FAM9A: variants seen among roughly 807,000 people sequenced by gnomAD.
The protein encoded by FAM9A is protein FAM9A.
In FAM9A, 49 loss-of-function variants were observed where a neutral mutation model predicts 25.0. The ratio of observed to expected loss-of-function variants is 1.96; its 90% confidence interval spans 1.56 to 2.48. The LOEUF is 2.48. Among genes scored for constraint, FAM9A ranks in the 30% most tolerant of loss-of-function variants. The pLI, the probability that FAM9A is intolerant of heterozygous loss-of-function variation, is 0.00. For missense variants in FAM9A, 266 were observed against 249.3 expected (o/e 1.07, Z -0.45); for synonymous variants, 80 against 85.1 (o/e 0.94, Z 0.33).
At chrX:8,793,916 C>T (rs1359694103) in intron 7 of FAM9A, among the ~76,000 whole-genome samples, 160 bp from the exon 8 acceptor site, 3 of 112,307 alleles carry the variant, frequency 2.7e-5, no homozygotes, top group East Asian at 5.6e-4. Context: ...GTGTTCACCA[C>T]CCATATGCTA....
At chrX:8,792,605 T>A (rs1451739018) in intron 8 of FAM9A, among the ~76,000 whole-genome samples, 2 of 111,936 alleles carry the variant, frequency 1.8e-5, no homozygotes, top group African/African-American at 6.5e-5. Context: ...AGTCTCATGT[T>A]CATACCAATT....
In FAM9A at chrX:8,798,459, C is replaced by T. The variant is rs369620752; in HGVS notation, c.241G>A (p.Glu81Lys). Residue 81 changes from glutamate (E) to lysine (K), a missense_variant, in exon 4 of 10, where the codon GAA becomes AAA. Physicochemically the swap from Glu to Lys is moderately conservative, Grantham distance 56. Transcript: ENST00000381003. ...KHTGKDPVRD[E>K]CEERNPFTET... ...GTAAAAGGGTTTCTTTCCTCACATT[C>T]ATCACGGACTGGATCCTTTCCTGCA... is the stretch of plus-strand genomic sequence containing the variant. 5.8e-6 allele frequency: 7 copies of T among 1,211,567 alleles called. No homozygotes were observed. The highest frequency in any genetic ancestry group is 6.7e-6 in the Non-Finnish European group (6 of 895,515).
At position 8,798,185 on chromosome X, in the gene FAM9A, T is replaced by TA. The variant is rs747663083; in HGVS notation, c.342-5dup. ...TTCTAGCTTCATGGTATGAATCCTG[T>TA]AAAAAAAGTTACATCAAAATTTTAT... On this transcript the variant is annotated splice_polypyrimidine_tract_variant and splice_region_variant and intron_variant, in intron 4 of 9. Coordinates refer to ENST00000381003, the MANE Select transcript of FAM9A (RefSeq NM_174951.3). The TA allele has an allele frequency of 1.1e-5, 13 of 1,204,210 alleles. No individual in the cohort carries two copies. In the Admixed American group the frequency reaches 1.8e-4, roughly 16 times the overall value.
At position 8,801,363 on chromosome X, in the gene FAM9A, C is replaced by CCCCTCCCTT. The variant is rs1933609864; in HGVS notation, c.-92_-91insAAGGGAGGG. The CCCCTCCCTT allele has an allele frequency of 8.9e-6, 1 of 112,180 alleles. No individual in the cohort carries two copies. Among genetic ancestry groups the CCCCTCCCTT allele is most frequent in the Non-Finnish European group, 1.9e-5 (1 of 53,132 alleles). The allele number at this position is 112,180 out of a possible 1,213,427, so 9.2% of individuals were successfully genotyped here. A position where few individuals can be genotyped will look rare whatever the true frequency, so the allele number is the denominator to read the frequency against. ...ACAGAACCTGCAGGCACTGGCACCA[C>CCCCTCCCTT]GACGCTCTCTTAGAAAAATGGGTCC... On this transcript the variant is annotated 5_prime_UTR_variant, in exon 1 of 10. Transcript: ENST00000381003.
intron 8 of FAM9A, among the ~76,000 whole-genome samples, chrX:8,793,204 T>A (rs1933489176): frequency 8.9e-6 from 1 of 112,108 alleles, no homozygotes; most frequent in Non-Finnish European, 1.9e-5. Flanking sequence ...CCACCATAGA[T>A]GTGTCATTGA....
chrX:8,799,975 T>A, intron 2 of FAM9A, 106 bp downstream of exon 2: 1 of 861,817 alleles, frequency 1.2e-6, no homozygotes, highest in East Asian at 3.4e-5. Context: ...TGGGGCCTCT[T>A]AGCACGTGCA....
chrX:8,799,987 G>C, intron 2 of FAM9A, 94 bp downstream of exon 2: 3 of 951,275 alleles, frequency 3.2e-6, no homozygotes, highest in Non-Finnish European at 4.4e-6. Flanking sequence ...GCACGTGCAT[G>C]GTGGACTCCA....
intron 5 of FAM9A, 117 bp from the exon 6 acceptor site, chrX:8,796,499 A>G (rs750930198): frequency 2.0e-6 from 1 of 491,698 alleles, no homozygotes; most frequent in South Asian, 3.1e-5. Flanking sequence ...TTTACATTGT[A>G]AAATACAAAG....
At chrX:8,795,909 T>G (rs1281430088) in intron 6 of FAM9A, among the ~76,000 whole-genome samples, 2 of 112,037 alleles carry the variant, frequency 1.8e-5, no homozygotes, top group African/African-American at 6.5e-5. Context: ...AACATAAGGT[T>G]GTCCCTTTCC....
In FAM9A at chrX:8,795,245, C is replaced by T. The variant is rs768296987; in HGVS notation, c.664G>A (p.Glu222Lys). Residue 222 changes from glutamate (E) to lysine (K), a missense_variant, in exon 7 of 10, where the codon GAA becomes AAA. By Grantham distance (56) the Glu-to-Lys change is moderately conservative. Coordinates refer to ENST00000381003, the MANE Select transcript of FAM9A (RefSeq NM_174951.3). Reference protein sequence around the residue: ...AAAEVIVVEDEEEEEKEEEEE... With the variant: ...AAAEVIVVEDKEEEEKEEEEE... The stretch of plus-strand genomic sequence containing the variant: ...TCCTCCTCCTTCTCTTCCTCCTCTT[C>T]GTCTTCTACTACTATTACTTCTGCT... 57 of 1,153,204 alleles carry T rather than the reference C, an allele frequency of 4.9e-5. No individual in the cohort carries two copies. The South Asian group carries it at 7.1e-4, about 14-fold the overall frequency.
At chrX:8,797,564 A>G (rs1353031525) in intron 5 of FAM9A, among the ~76,000 whole-genome samples, 4 of 111,874 alleles carry the variant, frequency 3.6e-5, no homozygotes, top group African/African-American at 1.3e-4. Context: ...AATTAGGAAC[A>G]TAAAAACTCA....
rs1933465279 is a variant in FAM9A at position 8,791,121 on chromosome X, C to T, written c.*83G>A. The stretch of plus-strand genomic sequence containing the variant: ...CATAGGTTCAAGTTCTTTCTTCAGT[C>T]ATCAGAATAACAGAGGTTGAAGAGA... On this transcript the variant is annotated 3_prime_UTR_variant, in exon 10 of 10. Coordinates refer to ENST00000381003, the MANE Select transcript of FAM9A (RefSeq NM_174951.3). 5.3e-6 allele frequency: 2 copies of T among 380,513 alleles called. No homozygotes were observed. Among genetic ancestry groups the T allele is most frequent in the Admixed American group, 5.1e-5 (1 of 19,793 alleles). The allele number at this position is 380,513 out of a possible 1,213,427, so 31.4% of individuals were successfully genotyped here.
intron 8 of FAM9A, among the ~76,000 whole-genome samples, chrX:8,793,258 T>G (rs759253604): frequency 2.7e-5 from 3 of 112,402 alleles, no homozygotes; most frequent in East Asian, 5.6e-4. Context: ...AACCCATTTA[T>G]GCCTAGTGTT....
chrX:8,798,522 G>C (rs376479459), intron 3 of FAM9A, 43 bp from the exon 4 acceptor site: 16 of 1,190,872 alleles, frequency 1.3e-5, no homozygotes, highest in Middle Eastern at 4.7e-4. Flanking sequence ...AGAGGAAGAC[G>C]CTGTTGTGGA....
rs1569104246 is a variant in FAM9A at position 8,795,334 on chromosome X, T to G, written c.575A>C (p.Glu192Ala). ...TGCTGCTGCTGCGGCTTCTGCTTCT[T>G]CTGCTTCATCATCTTTCTGCTTCTC... ...IAEKQKDDEA[E>A]EAEAAAAAAE... Residue 192 changes from glutamate to alanine, a missense_variant, in exon 7 of 10, where the codon GAA becomes GCA. Physicochemically the swap from Glu to Ala is moderately radical, Grantham distance 107. Coordinates refer to ENST00000381003, the MANE Select transcript of FAM9A (RefSeq NM_174951.3). 4 of 1,209,188 alleles carry G rather than the reference T, an allele frequency of 3.3e-6. No individual in the cohort carries two copies. The highest frequency in any genetic ancestry group is 3.1e-4 in the Middle Eastern group (1 of 3,247).
At position 8,798,132 on chromosome X, in the gene FAM9A, A is replaced by T; in HGVS notation, c.373+18T>A. On this transcript the variant is annotated intron_variant, in intron 5 of 9. Coordinates refer to ENST00000381003, the MANE Select transcript of FAM9A (RefSeq NM_174951.3). The stretch of plus-strand genomic sequence containing the variant: ...TGAAAATAATTTTCAAAGACTACGA[A>T]TAGCTCCTAAAACATACCTGCAATA... The T allele has an allele frequency of 2.5e-6, 3 of 1,195,877 alleles. No homozygotes were observed. The highest frequency in any genetic ancestry group is 3.4e-6 in the Non-Finnish European group (3 of 886,120).
rs747094332 is a variant in FAM9A at position 8,799,981 on chromosome X, G to A, written c.91+100C>T. On this transcript the variant is annotated intron_variant, in intron 2 of 9. Transcript: ENST00000381003. ...TTGAAAACCTGGGGCCTCTTAGCAC[G>A]TGCATGGTGGACTCCAAAGCCACAA... 101 of 898,766 alleles carry A rather than the reference G, an allele frequency of 1.1e-4. 2 individuals carry two copies. In the Middle Eastern group the frequency reaches 3.6e-3, roughly 32 times the overall value. 74.1% of individuals were successfully genotyped at this position (898,766 alleles called of 1,213,427 possible). A position where few individuals can be genotyped will look rare whatever the true frequency, so the allele number is the denominator to read the frequency against.
At chrX:8,793,369 G>A (rs781478904) in intron 8 of FAM9A, among the ~76,000 whole-genome samples, 1 of 111,792 alleles carries the variant, frequency 8.9e-6, no homozygotes, top group East Asian at 2.8e-4. Context: ...TGCAGCCTCC[G>A]GCATAAATGT....
In FAM9A at chrX:8,795,265, T is replaced by TCTG. The variant is rs761087759; in HGVS notation, c.641_643dup (p.Ala214dup). ...CTCTTCGTCTTCTACTACTATTACTTCTGCTGCTGCTGCTGCGGCTTCTGC... is the reference window on the plus strand; with the variant it reads ...CTCTTCGTCTTCTACTACTATTACTTCTGCTGCTGCTGCTGCTGCGGCTTCTGC... On this transcript the variant is annotated inframe_insertion, in exon 7 of 10. Transcript: ENST00000381003. The TCTG allele has an allele frequency of 8.4e-7, 1 of 1,184,314 alleles. No individual in the cohort carries two copies. The highest frequency in any genetic ancestry group is 3.0e-5 in the East Asian group (1 of 33,242).
Sources: gnomAD v4.1 joint callset for allele counts (sites outside exome capture counted in the v4.1 genomes callset) on GRCh38, gnomAD v4.1.1 for gene constraint, MANE v1.5 for transcripts, NCBI Gene and HGNC (gene_info 2026-07-23, HGNC 2026-07-21) for gene names.